Variants in ROBO2 observed in about 807,000 individuals in gnomAD.
ROBO2 encodes the protein roundabout homolog 2.
Under a neutral mutation model 160.8 loss-of-function variants are expected in ROBO2, and 53 were observed. That is an observed-to-expected ratio of 0.33 (90% confidence interval 0.26 to 0.41). ROBO2 has a LOEUF of 0.41. Ranked by LOEUF, ROBO2 falls within the 10% of genes least tolerant of loss-of-function variation. ROBO2 has a pLI of 1.00. For missense variants in ROBO2, 1,577 were observed against 1,722.4 expected (o/e 0.92, Z 1.49); for synonymous variants, 664 against 611.7 (o/e 1.09, Z -1.26).
intron 2 of ROBO2, among the ~76,000 whole-genome samples, chr3:76,598,853 G>A (rs548878648): frequency 3.9e-5 from 6 of 152,082 alleles, no homozygotes; most frequent in Middle Eastern, 3.2e-3. Context: ...AGCTGTTTTT[G>A]TCAGTTAGTA....
chr3:77,202,254 T>C (rs1336923299), intron 2 of ROBO2, among the ~76,000 whole-genome samples: 1 of 152,202 alleles, frequency 6.6e-6, no homozygotes. Flanking sequence ...ATGTTGATCA[T>C]TGTGACTGTA....
intron 2 of ROBO2, among the ~76,000 whole-genome samples, chr3:75,939,867 A>G (rs1386821624): frequency 6.6e-6 from 1 of 152,130 alleles, no homozygotes; most frequent in Non-Finnish European, 1.5e-5. Context: ...GCTCCTTATT[A>G]TTGTCAAGAA....
intron 2 of ROBO2, among the ~76,000 whole-genome samples, chr3:76,868,367 A>G (rs939237236): frequency 2.0e-5 from 3 of 152,062 alleles, no homozygotes; most frequent in African/African-American, 7.2e-5. Context: ...ATTTGTGTTG[A>G]TCATTGCTCC....
At chr3:76,864,221 C>T (rs917344260) in intron 2 of ROBO2, among the ~76,000 whole-genome samples, 10 of 151,946 alleles carry the variant, frequency 6.6e-5, no homozygotes, top group Non-Finnish European at 1.2e-4. Flanking sequence ...GTTCTCCTTC[C>T]GGGGGTTTAC....
chr3:76,127,304 C>T (rs2071026787), intron 2 of ROBO2, among the ~76,000 whole-genome samples: 1 of 152,084 alleles, frequency 6.6e-6, no homozygotes, highest in African/African-American at 2.4e-5. Context: ...TGTTCCTTTT[C>T]ATTCTTTGAG....
intron 2 of ROBO2, among the ~76,000 whole-genome samples, chr3:76,798,213 GAA>G (rs1309806813): frequency 1.1e-5 from 1 of 89,168 alleles, no homozygotes; most frequent in African/African-American, 4.3e-5. Flanking sequence ...AAGAGAAAGA[GAA>G]AAAGAAAGAA....
At chr3:76,731,313 C>T (rs183291644) in intron 2 of ROBO2, among the ~76,000 whole-genome samples, 60 of 152,214 alleles carry the variant, frequency 3.9e-4, no homozygotes, top group Admixed American at 1.7e-3. Context: ...TTCCTGAATA[C>T]GTAAATGCCA....
At chr3:76,746,201 T>A (rs990824855) in intron 2 of ROBO2, among the ~76,000 whole-genome samples, 6 of 152,030 alleles carry the variant, frequency 3.9e-5, no homozygotes, top group African/African-American at 7.2e-5. Flanking sequence ...CCATGCTGTA[T>A]ATGTGCCACA....
chr3:76,531,431 C>T (rs1186235884), intron 2 of ROBO2, among the ~76,000 whole-genome samples: 10 of 152,044 alleles, frequency 6.6e-5, no homozygotes, highest in Admixed American at 6.6e-4. Context: ...CATTCAAAGC[C>T]AAATTCTTTA....
intron 2 of ROBO2, among the ~76,000 whole-genome samples, chr3:76,565,400 A>T (rs2084450864): frequency 6.6e-6 from 1 of 152,220 alleles, no homozygotes; most frequent in South Asian, 2.1e-4. Flanking sequence ...AGAATCTTGA[A>T]CAGTTTCATA....
chr3:76,875,318 T>G (rs936457735), intron 2 of ROBO2, among the ~76,000 whole-genome samples: 3 of 152,220 alleles, frequency 2.0e-5, no homozygotes, highest in Non-Finnish European at 4.4e-5. Flanking sequence ...CTTTGTAAAT[T>G]ACCAGTCTCA....
rs2092575433 is a variant in ROBO2, at chr3:77,543,614, T to G, written c.935-2724T>G. 2.0e-5 allele frequency among the ~76,000 whole-genome samples: 3 copies of G among 152,194 alleles called. No homozygotes were observed. The South Asian group carries it at 6.2e-4, about 32-fold the overall frequency. Reference sequence around the variant, plus strand: ...TCTAAAGTACACATGGTAATTTTAGTGATAGAGATTTGTAATTTTACTGGA... The same window carrying G: ...TCTAAAGTACACATGGTAATTTTAGGGATAGAGATTTGTAATTTTACTGGA... On this transcript the variant is annotated intron_variant, in intron 6 of 25. Coordinates refer to ENST00000461745, the Ensembl canonical transcript of ROBO2.
At chr3:76,978,910 T>C (rs1448821068) in intron 2 of ROBO2, among the ~76,000 whole-genome samples, 1 of 151,208 alleles carries the variant, frequency 6.6e-6, no homozygotes, top group Non-Finnish European at 1.5e-5. Flanking sequence ...ACAAGTGCAG[T>C]TTTAGAGTTT....
At chr3:77,164,625 C>T (rs2078832017) in intron 2 of ROBO2, among the ~76,000 whole-genome samples, 1 of 125,016 alleles carries the variant, frequency 8.0e-6, no homozygotes, top group African/African-American at 3.1e-5. Context: ...GTGAGGAGCC[C>T]CTCTGCCCGG....
intron 2 of ROBO2, among the ~76,000 whole-genome samples, chr3:76,065,998 C>CT (rs548387231): frequency 6.6e-6 from 1 of 150,792 alleles, no homozygotes; most frequent in African/African-American, 2.4e-5. Context: ...GGATTGTTTT[C>CT]TTTTGCTTTG....
chr3:76,602,867 T>A (rs1415935403), intron 2 of ROBO2, among the ~76,000 whole-genome samples: 1 of 152,224 alleles, frequency 6.6e-6, no homozygotes, highest in African/African-American at 2.4e-5. Flanking sequence ...TCAGTCTCAT[T>A]GCATAATCTC....
intron 2 of ROBO2, among the ~76,000 whole-genome samples, chr3:76,128,577 A>G (rs2071095072): frequency 8.0e-6 from 1 of 124,388 alleles, no homozygotes; most frequent in South Asian, 3.3e-4. Context: ...TTAAATGGGC[A>G]CATTCTTTCC....
intron 2 of ROBO2, among the ~76,000 whole-genome samples, chr3:76,854,024 CTCT>C (rs2069727597): frequency 6.6e-5 from 1 of 15,066 alleles, no homozygotes; most frequent in Non-Finnish European, 1.4e-4. Flanking sequence ...GACTTTCTCT[CTCT>C]CTCTCTCTCT....
chr3:75,937,372 G>A, intron 1 of ROBO2: 2 of 457,204 alleles, frequency 4.4e-6, no homozygotes, highest in Non-Finnish European at 7.2e-6. Context: ...TTGTAAGCAG[G>A]ATAATTCAGA....
Sources: gnomAD v4.1 joint callset for allele counts (sites outside exome capture counted in the v4.1 genomes callset) on GRCh38, gnomAD v4.1.1 for gene constraint, MANE v1.5 for transcripts, NCBI Gene and HGNC (gene_info 2026-07-23, HGNC 2026-07-21) for gene names.